Variants in AR observed in about 807,000 individuals in gnomAD.
AR encodes the protein androgen receptor.
Under a neutral mutation model 53.9 loss-of-function variants are expected in AR, and 8 were observed. That is an observed-to-expected ratio of 0.15 (90% CI 0.09 to 0.27). AR has a LOEUF of 0.27. Ranked by LOEUF, AR falls within the 10% of genes least tolerant of loss-of-function variation. The pLI is 1.00. For missense variants in AR, 639 were observed against 742.5 expected (o/e 0.86, Z 1.62); for synonymous variants, 359 against 316.4 (o/e 1.13, Z -1.43).
intron 1 of AR, among the ~76,000 whole-genome samples, chrX:67,554,434 T>G (rs996228794): frequency 1.8e-5 from 2 of 111,870 alleles, no homozygotes; most frequent in African/African-American, 6.5e-5. Flanking sequence ...TTTTTAGGGA[T>G]GTACTCCATA....
intron 2 of AR, among the ~76,000 whole-genome samples, chrX:67,647,336 C>T (rs752098042): frequency 9.0e-6 from 1 of 111,621 alleles, no homozygotes; most frequent in Non-Finnish European, 1.9e-5. Context: ...CTTTGATTCT[C>T]TCTCTCACTC....
At chrX:67,576,193 A>G (rs1922038840) in intron 1 of AR, among the ~76,000 whole-genome samples, 1 of 111,141 alleles carries the variant, frequency 9.0e-6, no homozygotes, top group Non-Finnish European at 1.9e-5. Context: ...CAGACCAGGA[A>G]GTCCTCACGG....
rs2076173074 is a variant in AR at position 67,729,931 on chromosome X, A to C, written c.*6090A>C. The C allele has an allele frequency of 5.9e-6, 1 of 170,667 alleles. No homozygotes were observed. Among genetic ancestry groups the C allele is most frequent in the Admixed American group, 8.2e-5 (1 of 12,235 alleles). The allele number at this position is 170,667 out of a possible 1,213,427, so 14.1% of individuals were successfully genotyped here. ...AGTGCCTGGGGGGTTGTCCTATCCC[A>C]TAAGCCACTTGGATGCTGACAGCAG... On this transcript the variant is annotated 3_prime_UTR_variant, in exon 8 of 8. Coordinates refer to ENST00000374690, the MANE Select transcript of AR (RefSeq NM_000044.6).
At chrX:67,707,108 G>T (rs1323212577) in intron 3 of AR, among the ~76,000 whole-genome samples, 1 of 111,932 alleles carries the variant, frequency 8.9e-6, no homozygotes, top group African/African-American at 3.3e-5. Flanking sequence ...GTGGTGCTGA[G>T]AAGAATGTAT....
intron 1 of AR, among the ~76,000 whole-genome samples, chrX:67,596,209 C>T (rs1485840134): frequency 1.8e-5 from 2 of 110,330 alleles, no homozygotes; most frequent in African/African-American, 6.6e-5. Context: ...GCTTTCTGCA[C>T]AGCTTGCAAA....
At chrX:67,689,122 G>A (rs1212119277) in intron 3 of AR, among the ~76,000 whole-genome samples, 2 of 111,194 alleles carry the variant, frequency 1.8e-5, no homozygotes, top group East Asian at 2.8e-4. Flanking sequence ...TGGCTTCACC[G>A]AGGACCTTTC....
chrX:67,688,186 A>G (rs2075977289), intron 3 of AR, among the ~76,000 whole-genome samples: 1 of 111,423 alleles, frequency 9.0e-6, no homozygotes, highest in Non-Finnish European at 1.9e-5. Flanking sequence ...GCACCATGCT[A>G]GGCATTAGAG....
intron 1 of AR, among the ~76,000 whole-genome samples, chrX:67,583,466 G>T (rs1602171137): frequency 9.0e-6 from 1 of 111,668 alleles, no homozygotes; most frequent in East Asian, 2.8e-4. Context: ...CCATGGGGCT[G>T]CAAGACTTGT....
chrX:67,706,599 C>T (rs937280704), intron 3 of AR, among the ~76,000 whole-genome samples: 2 of 111,386 alleles, frequency 1.8e-5, no homozygotes, highest in Non-Finnish European at 3.8e-5. Flanking sequence ...AAAAAACCAG[C>T]TCCTGGATTC....
chrX:67,628,278 G>T (rs976135032), intron 1 of AR, among the ~76,000 whole-genome samples: 1 of 104,180 alleles, frequency 9.6e-6, no homozygotes, highest in Non-Finnish European at 2.0e-5. Flanking sequence ...AGCATGGAAT[G>T]TTCTTCCATT....
intron 3 of AR, chrX:67,695,770 C>A (rs1295541521): frequency 1.3e-6 from 1 of 744,430 alleles, no homozygotes; most frequent in Non-Finnish European, 1.6e-6. Context: ...CACACACACA[C>A]ACGCTCTCTC....
Position 67,545,898 on chromosome X carries a change from T to C in AR, c.752T>C (p.Val251Ala). ...GTGTCGGTGTCCATGGGCCTGGGTG[T>C]GGAGGCGTTGGAGCATCTGAGTCCA... is the stretch of plus-strand genomic sequence containing the variant. ...KAVSVSMGLG[V>A]EALEHLSPGE... Residue 251 changes from valine (V) to alanine (A), a missense_variant, in exon 1 of 8, where the codon GTG (valine) becomes GCG (alanine). Physicochemically the swap from Val to Ala is moderately conservative, Grantham distance 64. Around this residue, in one of 5 missense-constraint regions of AR, gnomAD observed 423 missense variants for 377.0 expected, o/e 1.12. Coordinates refer to ENST00000374690, the MANE Select transcript of AR (RefSeq NM_000044.6). 1 of 1,211,685 alleles carries C rather than the reference T, an allele frequency of 8.3e-7. No homozygotes were observed. The highest frequency in any genetic ancestry group is 1.1e-6 in the Non-Finnish European group (1 of 895,430).
At chrX:67,680,713 C>A (rs748017592) in intron 2 of AR, 1 of 329,170 alleles carries the variant, frequency 3.0e-6, no homozygotes, top group South Asian at 2.6e-5. Context: ...TCCTCTGTTC[C>A]AAACAGGATT....
intron 3 of AR, among the ~76,000 whole-genome samples, chrX:67,701,653 A>G (rs2076042832): frequency 9.3e-6 from 1 of 107,577 alleles, no homozygotes; most frequent in African/African-American, 3.5e-5. Context: ...ATTCATTTCA[A>G]TTCACCAGTG....
chrX:67,547,799 T>A (rs2147324665), intron 1 of AR, among the ~76,000 whole-genome samples: 1 of 112,090 alleles, frequency 8.9e-6, no homozygotes, highest in South Asian at 3.7e-4. Context: ...CTCTAACAAA[T>A]TGAGTAAGAA....
At chrX:67,689,552 C>A (rs748083183) in intron 3 of AR, 12 of 958,418 alleles carry the variant, frequency 1.3e-5, no homozygotes, top group Middle Eastern at 3.0e-4. Flanking sequence ...GCTTTTTTTT[C>A]TAGCAGCTGT....
chrX:67,630,237 G>T (rs1924997474), intron 1 of AR, among the ~76,000 whole-genome samples: 1 of 110,907 alleles, frequency 9.0e-6, no homozygotes, highest in Non-Finnish European at 1.9e-5. Context: ...TGACAGTGGG[G>T]TGTTAAAGTC....
intron 1 of AR, among the ~76,000 whole-genome samples, chrX:67,574,871 T>A (rs1217422454): frequency 9.0e-6 from 1 of 111,486 alleles, no homozygotes; most frequent in Admixed American, 9.6e-5. Context: ...TACTTCTCAA[T>A]ATGAGGTTGA....
chrX:67,551,311 T>C (rs763429916), intron 1 of AR, among the ~76,000 whole-genome samples: 322 of 110,784 alleles, frequency 2.9e-3, no homozygotes, highest in African/African-American at 0.01. Context: ...GCTAATCTGC[T>C]TAAGCTTCAT....
Sources: allele counts gnomAD v4.1 joint callset (sites outside exome capture counted in the v4.1 genomes callset), GRCh38; gene constraint gnomAD v4.1.1; regional missense constraint gnomAD v4.1.1; transcripts MANE v1.5; gene names NCBI Gene and HGNC (gene_info 2026-07-23, HGNC 2026-07-21).